The following OPN5 variants were observed in gnomAD, a reference collection of about 807,000 sequenced individuals.
OPN5 encodes opsin 5, also known as opsin-5.
OPN5 carries 18 observed loss-of-function variants against 41.7 expected under a neutral mutation model. The ratio of observed to expected loss-of-function variants is 0.43; its 90% CI spans 0.30 to 0.64. The LOEUF (loss-of-function observed/expected upper bound fraction) is 0.64, where lower values mean the gene tolerates loss of function less well. Among genes scored for constraint, OPN5 ranks in the 30% least tolerant of loss-of-function variants. The pLI is 0.13. For missense variants in OPN5, 318 were observed against 434.5 expected (o/e 0.73, Z 2.38); for synonymous variants, 178 against 164.3 (o/e 1.08, Z -0.64).
intron 2 of OPN5, among the ~76,000 whole-genome samples, chr6:47,788,367 C>T (rs1773259166): frequency 6.6e-6 from 1 of 152,190 alleles, no homozygotes; most frequent in African/African-American, 2.4e-5. Context: ...TGAATAATAG[C>T]AGGCTCATTG....
At chr6:47,822,548 C>T (rs1426265364) in intron 6 of OPN5, among the ~76,000 whole-genome samples, 2 of 152,178 alleles carry the variant, frequency 1.3e-5, no homozygotes, top group African/African-American at 2.4e-5. Flanking sequence ...TAAATGGGTG[C>T]CCAGTTTAGT....
chr6:47,787,896 A>T (rs572512377), intron 2 of OPN5, among the ~76,000 whole-genome samples: 13 of 151,562 alleles, frequency 8.6e-5, no homozygotes, highest in Admixed American at 2.0e-4. Context: ...GACCTTAATT[A>T]AAAAAAAAGA....
intron 5 of OPN5, among the ~76,000 whole-genome samples, chr6:47,809,058 A>G (rs1020710547): frequency 2.0e-5 from 3 of 152,196 alleles, no homozygotes; most frequent in Non-Finnish European, 4.4e-5. Context: ...TGTTTGTGCT[A>G]CACAGTGAAA....
exon 5 of OPN5, chr6:47,808,255 G>C (rs1239178606): frequency 3.1e-6 from 5 of 1,613,962 alleles, no homozygotes; most frequent in Non-Finnish European, 4.2e-6. Flanking sequence ...TTCCCATACA[G>C]CTCTCTGTGG....
exon 7 of OPN5, chr6:47,824,677 G>A (rs1224236690): frequency 6.6e-6 from 1 of 152,156 alleles, no homozygotes; most frequent in Non-Finnish European, 1.5e-5. Context: ...TCCCAGATGT[G>A]AGTTCCATGT....
At chr6:47,800,528 G>A (rs1219342282) in intron 4 of OPN5, among the ~76,000 whole-genome samples, 1 of 152,244 alleles carries the variant, frequency 6.6e-6, no homozygotes, top group Non-Finnish European at 1.5e-5. Context: ...ATTTGCAGGA[G>A]TAATTGGGGA....
chr6:47,809,878 CG>C, intron 5 of OPN5, among the ~76,000 whole-genome samples: 1 of 152,186 alleles, frequency 6.6e-6, no homozygotes, highest in Admixed American at 6.5e-5. Context: ...GAGAAAGTAA[CG>C]GCACACTTCT....
Position 47,808,414 on chromosome 6 carries a change from G to T in OPN5, c.998+19G>T. 1.9e-6 allele frequency: 3 copies of T among 1,613,408 alleles called. No individual in the cohort carries two copies. The highest frequency in any genetic ancestry group is 2.5e-6 in the Non-Finnish European group (3 of 1,179,630). ...GCTTCAGGTAAAACTTCAGAAGCTG[G>T]AAATGAATTACACTCTCTTTGTTTC... On this transcript the variant is annotated intron_variant, in intron 5 of 6. Transcript: ENST00000371211.
chr6:47,819,352 TAAAAA>T lies in OPN5; in HGVS notation c.1057-4629_1057-4625del, dbSNP rs1360600478. ...AAAATTAGGAATATATATATATATA[TAAAAA>T]ATATATTACCGTATAAGTAGAAATA... On this transcript the variant is annotated intron_variant, in intron 6 of 6. Transcript: ENST00000371211. Among the ~76,000 whole-genome samples the T allele has an allele frequency of 4.9e-3, 460 of 93,426 alleles. 3 individuals carry two copies. The highest frequency in any genetic ancestry group is 6.9e-3 in the Non-Finnish European group (304 of 43,968). 61.3% of individuals were successfully genotyped at this position (93,426 alleles called of 152,430 possible). A position where few individuals can be genotyped will look rare whatever the true frequency, so the allele number is the denominator to read the frequency against.
At position 47,782,306 on chromosome 6, in the gene OPN5, C is replaced by A. The variant is rs550046252; in HGVS notation, c.130+110C>A. 1,948 of 999,260 alleles carry A rather than the reference C, an allele frequency of 1.9e-3. 4 individuals are homozygous for A. The highest frequency in any genetic ancestry group is 2.1e-3 in the Non-Finnish European group (1,433 of 678,090). 61.9% of individuals were successfully genotyped at this position (999,260 alleles called of 1,614,324 possible). Reference sequence around the variant, plus strand: ...ACTTAAGTGGATAGTTTAGTGGAGGCGAAGAGTGGGGAAAGGCAGAAGATG... The same window carrying A: ...ACTTAAGTGGATAGTTTAGTGGAGGAGAAGAGTGGGGAAAGGCAGAAGATG... On this transcript the variant is annotated intron_variant, in intron 1 of 6. Coordinates refer to ENST00000371211, the Ensembl canonical transcript of OPN5.
chr6:47,800,810 A>G (rs888935587), intron 4 of OPN5, among the ~76,000 whole-genome samples: 2 of 152,216 alleles, frequency 1.3e-5, no homozygotes, highest in African/African-American at 2.4e-5. Flanking sequence ...TTTCTTACTG[A>G]TACAATTTTT....
chr6:47,799,865 A>G (rs549542644), intron 4 of OPN5, among the ~76,000 whole-genome samples: 2 of 152,122 alleles, frequency 1.3e-5, no homozygotes, highest in South Asian at 4.1e-4. Context: ...TCTTATTTCC[A>G]TGTACATCCT....
At chr6:47,798,816 A>G (rs1024319104) in intron 4 of OPN5, among the ~76,000 whole-genome samples, 1 of 152,106 alleles carries the variant, frequency 6.6e-6, no homozygotes, top group African/African-American at 2.4e-5. Flanking sequence ...ATAAGTAGAA[A>G]CTGCCTTATA....
At chr6:47,808,697 T>C (rs1470648865) in intron 5 of OPN5, among the ~76,000 whole-genome samples, 3 of 152,166 alleles carry the variant, frequency 2.0e-5, no homozygotes, top group Non-Finnish European at 4.4e-5. Context: ...ATTGCATATC[T>C]GGGACCAAAT....
intron 2 of OPN5, chr6:47,786,935 C>A: frequency 2.6e-6 from 1 of 382,226 alleles, no homozygotes; most frequent in Non-Finnish European, 3.9e-6. Flanking sequence ...CTAAATGATT[C>A]AGAAATCAGA....
At chr6:47,785,476 G>T (rs903596572) in intron 1 of OPN5, among the ~76,000 whole-genome samples, 11 of 152,130 alleles carry the variant, frequency 7.2e-5, no homozygotes, top group African/African-American at 2.7e-4. Flanking sequence ...CCCCCAAAAT[G>T]AATTGTGGTG....
At chr6:47,813,451 A>C (rs1395863139) in intron 6 of OPN5, among the ~76,000 whole-genome samples, 2 of 152,182 alleles carry the variant, frequency 1.3e-5, no homozygotes, top group African/African-American at 4.8e-5. Context: ...AACTGCTCTT[A>C]TTATTATTAA....
At chr6:47,796,787 A>G (rs1773585725) in intron 4 of OPN5, among the ~76,000 whole-genome samples, 1 of 152,190 alleles carries the variant, frequency 6.6e-6, no homozygotes, top group Admixed American at 6.5e-5. Context: ...TTTTGGAGTT[A>G]TACAAAGATC....
intron 5 of OPN5, 23 bp from the exon 6 acceptor site, chr6:47,811,651 C>A: frequency 1.9e-6 from 3 of 1,579,230 alleles, no homozygotes; most frequent in Non-Finnish European, 2.6e-6. Context: ...TATTAAATTG[C>A]ATTTTTCTTC....
Sources: gnomAD v4.1 joint callset for allele counts (sites outside exome capture counted in the v4.1 genomes callset) on GRCh38, gnomAD v4.1.1 for gene constraint, MANE v1.5 for transcripts, NCBI Gene and HGNC (gene_info 2026-07-23, HGNC 2026-07-21) for gene names.